VDAC2: variants seen among roughly 807,000 people sequenced by gnomAD.
VDAC2 encodes non-selective voltage-gated ion channel VDAC2.
A neutral mutation model predicts 36.6 loss-of-function variants in VDAC2; 6 were observed. The observed-to-expected ratio is 0.16, with a 90% CI of 0.09 to 0.32. VDAC2 has a LOEUF of 0.32. Ranked by LOEUF, VDAC2 falls within the 10% of genes least tolerant of loss-of-function variation. The pLI, the probability that VDAC2 is intolerant of heterozygous loss-of-function variation, is 1.00. For synonymous variants in VDAC2, 109 were observed against 123.8 expected (o/e 0.88, Z 0.79); for missense variants, 247 against 346.0 (o/e 0.71, Z 2.27).
At position 75,211,121 on chromosome 10, in the gene VDAC2, G is replaced by C; in HGVS notation, c.-25-13G>C. 1.9e-6 allele frequency: 3 copies of C among 1,603,160 alleles called. No homozygotes were observed. Among genetic ancestry groups the C allele is most frequent in the Non-Finnish European group, 2.6e-6 (3 of 1,174,734 alleles). On this transcript the variant is annotated splice_polypyrimidine_tract_variant and intron_variant, in intron 1 of 9. Transcript: ENST00000332211. ...TTGACCCCAGCTTACCGCACTTCTTGTCCCTCCCGCAGATTCCCCTCTTCC... is the reference window on the plus strand; with the variant it reads ...TTGACCCCAGCTTACCGCACTTCTTCTCCCTCCCGCAGATTCCCCTCTTCC...
chr10:75,214,163 T>C (rs1346794111), intron 4 of VDAC2, 93 bp downstream of exon 4: 1 of 1,352,872 alleles, frequency 7.4e-7, no homozygotes, highest in Non-Finnish European at 1.0e-6. Flanking sequence ...CTGTTTTGTC[T>C]TAAAGAAGAG....
At chr10:75,212,345 A>G (rs1209079021) in intron 3 of VDAC2, 47 bp downstream of exon 3, 2 of 1,526,494 alleles carry the variant, frequency 1.3e-6, no homozygotes, top group African/African-American at 1.4e-5. Context: ...GTGAAAATGT[A>G]TGTTTGGGTT....
chr10:75,211,361 A>T (rs1453866239), intron 2 of VDAC2, 172 bp downstream of exon 2: 3 of 1,392,078 alleles, frequency 2.2e-6, no homozygotes, highest in Non-Finnish European at 2.9e-6. Flanking sequence ...GGGCTGCTGG[A>T]TTTCAAATGG....
At chr10:75,211,485 C>T in intron 2 of VDAC2, 2 of 1,525,962 alleles carry the variant, frequency 1.3e-6, no homozygotes, top group South Asian at 1.2e-5. Flanking sequence ...TTTGGAGGAT[C>T]GGATCAATCA....
chr10:75,221,697 C>T (rs373812579), intron 7 of VDAC2, among the ~76,000 whole-genome samples: 4 of 152,270 alleles, frequency 2.6e-5, no homozygotes, highest in East Asian at 3.9e-4. Context: ...TTGTCTCAAA[C>T]TCCTGGCCTC....
At chr10:75,220,078 A>T (rs1174295955) in intron 6 of VDAC2, among the ~76,000 whole-genome samples, 2 of 151,140 alleles carry the variant, frequency 1.3e-5, no homozygotes, top group Admixed American at 6.6e-5. Flanking sequence ...TGCCCACCTC[A>T]GCCTCCCAAA....
intron 7 of VDAC2, chr10:75,221,181 T>C: frequency 1.8e-6 from 1 of 549,478 alleles, no homozygotes; most frequent in South Asian, 2.7e-5. Context: ...ATGTTCATTT[T>C]ATATGGGGTT....
Position 75,230,947 on chromosome 10 carries a change from T to C in VDAC2, c.843T>C (p.Ala281=). The part of the protein sequence containing the change: ...SALVDGKSIN[A]GGHKVGLALE... ...TGGTAGATGGGAAGAGCATTAATGC[T>C]GGAGGCCACAAGGTTGGGCTCGCCC... Residue 281 remains alanine (A), a synonymous_variant, in exon 10 of 10, where the codon GCT becomes GCC. Transcript: ENST00000332211. 3 of 1,613,400 alleles carry C rather than the reference T, an allele frequency of 1.9e-6. No individual in the cohort carries two copies. Among genetic ancestry groups the C allele is most frequent in the Non-Finnish European group, 2.5e-6 (3 of 1,179,794 alleles).
chr10:75,225,641 A>G (rs555535486), intron 8 of VDAC2, among the ~76,000 whole-genome samples: 1 of 152,354 alleles, frequency 6.6e-6, no homozygotes, highest in South Asian at 2.1e-4. Context: ...AAAAAAGAAC[A>G]AAGTGTTTTT....
At chr10:75,229,832 C>A in intron 9 of VDAC2, 131 bp downstream of exon 9, 1 of 596,748 alleles carries the variant, frequency 1.7e-6, no homozygotes, top group South Asian at 3.5e-5. Flanking sequence ...TACGTGTTTA[C>A]CTTTTACCAC....
At chr10:75,229,510 A>G (rs544372767) in intron 8 of VDAC2, 134 bp from the exon 9 acceptor site, 5 of 650,424 alleles carry the variant, frequency 7.7e-6, no homozygotes, top group Non-Finnish European at 1.3e-5. Flanking sequence ...TGTTTGGCTT[A>G]ATACATAATA....
chr10:75,217,267 C>G (rs1247470017), intron 4 of VDAC2, among the ~76,000 whole-genome samples: 1 of 152,038 alleles, frequency 6.6e-6, no homozygotes, highest in Admixed American at 6.6e-5. Context: ...CAAAAAAAAC[C>G]GCAAAATGTT....
upstream of VDAC2, chr10:75,210,362 C>T (rs1406910799): frequency 6.5e-6 from 1 of 152,780 alleles, no homozygotes; most frequent in Non-Finnish European, 1.5e-5. Context: ...AGCTGACTCC[C>T]CGCAGGCACC....
chr10:75,222,002 G>A (rs940874896), intron 7 of VDAC2, among the ~76,000 whole-genome samples: 7 of 152,146 alleles, frequency 4.6e-5, no homozygotes, highest in Admixed American at 2.0e-4. Context: ...AAGGCTGTTT[G>A]AGAACCTCTT....
intron 3 of VDAC2, among the ~76,000 whole-genome samples, chr10:75,213,745 A>G (rs949708108): frequency 1.3e-5 from 2 of 150,918 alleles, no homozygotes; most frequent in Non-Finnish European, 2.9e-5. Flanking sequence ...CTCCGTCTCA[A>G]AATAAATAAA....
At chr10:75,214,879 A>G (rs958427681) in intron 4 of VDAC2, among the ~76,000 whole-genome samples, 3 of 151,876 alleles carry the variant, frequency 2.0e-5, no homozygotes, top group Non-Finnish European at 4.4e-5. Flanking sequence ...TGATAGTTCA[A>G]TGAACTGTTT....
intron 1 of VDAC2, 76 bp downstream of exon 1, chr10:75,211,014 G>A (rs1440802264): frequency 1.1e-6 from 1 of 934,902 alleles, no homozygotes; most frequent in African/African-American, 1.7e-5. Context: ...CGCCGGACTC[G>A]GAGTCGGCCC....
At chr10:75,213,978 A>T in intron 3 of VDAC2, 43 bp from the exon 4 acceptor site, 2 of 1,602,334 alleles carry the variant, frequency 1.2e-6, no homozygotes, top group Non-Finnish European at 1.7e-6. Flanking sequence ...CATCTTTCAT[A>T]CAAAGGAATC....
At chr10:75,221,177 A>G in intron 7 of VDAC2, 1 of 551,166 alleles carries the variant, frequency 1.8e-6, no homozygotes. Context: ...GTAAATGTTC[A>G]TTTTATATGG....
Sources: gnomAD v4.1 joint callset for allele counts (sites outside exome capture counted in the v4.1 genomes callset) on GRCh38, gnomAD v4.1.1 for gene constraint, MANE v1.5 for transcripts, NCBI Gene and HGNC (gene_info 2026-07-23, HGNC 2026-07-21) for gene names.